The following KCNQ5 variants were observed in gnomAD, a reference collection of about 807,000 sequenced individuals.
The protein encoded by KCNQ5 is potassium voltage-gated channel subfamily Q member 5.
Under a neutral mutation model 98.2 loss-of-function variants are expected in KCNQ5, and 30 were observed. That is an observed-to-expected ratio of 0.31 (90% CI 0.23 to 0.41). The LOEUF is 0.41. Among genes scored for constraint, KCNQ5 ranks in the 10% least tolerant of loss-of-function variants. KCNQ5 has a pLI of 1.00. For missense variants in KCNQ5, 835 were observed against 1,182.5 expected (o/e 0.71, Z 4.31); for synonymous variants, 458 against 449.4 (o/e 1.02, Z -0.24).
At chr6:72,667,394 G>A (rs1385040003) in intron 1 of KCNQ5, among the ~76,000 whole-genome samples, 3 of 152,122 alleles carry the variant, frequency 2.0e-5, no homozygotes, top group South Asian at 4.2e-4. Flanking sequence ...GGGAATTCAG[G>A]CCTTTGCCTT....
intron 2 of KCNQ5, among the ~76,000 whole-genome samples, chr6:73,031,680 A>T (rs777147269): frequency 5.9e-5 from 9 of 151,906 alleles, no homozygotes; most frequent in Non-Finnish European, 4.4e-5. Context: ...TAGATTATAA[A>T]CTCCTCGAGG....
At chr6:72,930,123 A>G (rs891597433) in intron 1 of KCNQ5, among the ~76,000 whole-genome samples, 2 of 152,120 alleles carry the variant, frequency 1.3e-5, no homozygotes, top group East Asian at 3.9e-4. Flanking sequence ...CAGAGGTCAT[A>G]TTTAATAAAA....
chr6:72,694,365 G>T (rs1021970764), intron 1 of KCNQ5, among the ~76,000 whole-genome samples: 15 of 152,106 alleles, frequency 9.9e-5, no homozygotes, highest in African/African-American at 3.4e-4. Context: ...CTGTTATTTT[G>T]GTCTGAAGGC....
At chr6:72,678,369 G>A (rs775666040) in intron 1 of KCNQ5, 10 of 152,188 alleles carry the variant, frequency 6.6e-5, no homozygotes, top group Admixed American at 3.3e-4. Context: ...GAAAATTGAA[G>A]CCTAGAAAGA....
chr6:72,768,647 G>T (rs951053178), intron 1 of KCNQ5, among the ~76,000 whole-genome samples: 7 of 152,056 alleles, frequency 4.6e-5, no homozygotes, highest in African/African-American at 1.7e-4. Context: ...GTAATTGGAG[G>T]AAAGTGGAAG....
intron 1 of KCNQ5, among the ~76,000 whole-genome samples, chr6:72,869,273 T>C (rs1441581572): frequency 6.6e-6 from 1 of 152,204 alleles, no homozygotes; most frequent in Non-Finnish European, 1.5e-5. Context: ...GTCTCCCCAG[T>C]TGTCAAACCG....
chr6:73,105,244 A>G lies in KCNQ5; in HGVS notation c.919-13A>G. 6.6e-7 allele frequency: 1 copy of G among 1,508,140 alleles called. No individual in the cohort carries two copies. Among genetic ancestry groups the G allele is most frequent in the Non-Finnish European group, 9.2e-7 (1 of 1,090,902 alleles). The allele number at this position is 1,508,140 out of a possible 1,614,324, so 93.4% of individuals were successfully genotyped here. A position where few individuals can be genotyped will look rare whatever the true frequency, so the allele number is the denominator to read the frequency against. ...AGTACTTAAGCTGCACATTCTATTT[A>G]TTTTGTTTCTAGATTACATTGACAA... is the stretch of plus-strand genomic sequence containing the variant. On this transcript the variant is annotated splice_polypyrimidine_tract_variant and intron_variant, in intron 5 of 13. Transcript: ENST00000370398.
chr6:73,177,063 G>C (rs866382025), intron 11 of KCNQ5, among the ~76,000 whole-genome samples: 11 of 152,328 alleles, frequency 7.2e-5, no homozygotes, highest in Admixed American at 2.0e-4. Context: ...TGACAGAAGA[G>C]AAGCCAGAGG....
Position 73,063,679 on chromosome 6 carries a change from AGATAGAT to A in KCNQ5, c.617-13635_617-13629del, listed in dbSNP as rs1325010993. The stretch of plus-strand genomic sequence containing the variant: ...ATAGATAGATAGATGATAGATAGAT[AGATAGAT>A]GATAGATAGATAGATAGATAGATAG... On this transcript the variant is annotated intron_variant, in intron 3 of 13. Coordinates refer to ENST00000370398, the MANE Select transcript of KCNQ5 (RefSeq NM_019842.4). Among the ~76,000 whole-genome samples the A allele has an allele frequency of 3.4e-4, 24 of 70,070 alleles. 2 individuals carry two copies. The highest frequency in any genetic ancestry group is 7.4e-4 in the Admixed American group (5 of 6,784). The allele number at this position is 70,070 out of a possible 152,430, so 46.0% of individuals were successfully genotyped here.
intron 1 of KCNQ5, among the ~76,000 whole-genome samples, chr6:72,925,282 C>T (rs1316784): frequency 0.34 from 52,310 of 151,934 alleles, 9,322 homozygotes; most frequent in African/African-American, 0.42. Context: ...TCTAGATGAG[C>T]TTACAGATGG....
chr6:72,727,270 A>T (rs1770333314), intron 1 of KCNQ5, among the ~76,000 whole-genome samples: 1 of 152,242 alleles, frequency 6.6e-6, no homozygotes. Flanking sequence ...TGGGCTAGAG[A>T]TTCCTACCTT....
Position 72,676,509 on chromosome 6 carries a change from G to A in KCNQ5, c.398+53922G>A, listed in dbSNP as rs140436814. 5.7e-3 allele frequency among the ~76,000 whole-genome samples: 863 copies of A among 152,200 alleles called. 30 individuals carry two copies. The highest frequency in any genetic ancestry group is 0.052 in the Admixed American group (789 of 15,280). ...TGTCTCTGTTCCCAGTTTTTGAAGT[G>A]AATTTCTGGAGTAAGCATCCTAAAT... is the stretch of plus-strand genomic sequence containing the variant. On this transcript the variant is annotated intron_variant, in intron 1 of 13. Transcript: ENST00000370398.
intron 1 of KCNQ5, among the ~76,000 whole-genome samples, chr6:72,719,133 T>A (rs1354818700): frequency 6.6e-6 from 1 of 152,204 alleles, no homozygotes. Context: ...GCAGTCTAAA[T>A]GGAAAAATTC....
intron 1 of KCNQ5, among the ~76,000 whole-genome samples, chr6:72,856,591 C>T (rs1408865866): frequency 6.6e-6 from 1 of 152,026 alleles, no homozygotes; most frequent in Non-Finnish European, 1.5e-5. Flanking sequence ...TCCTCTGCCC[C>T]ATTGAATCCT....
intron 1 of KCNQ5, among the ~76,000 whole-genome samples, chr6:72,757,185 C>T (rs1304916589): frequency 1.3e-5 from 2 of 152,040 alleles, no homozygotes; most frequent in Non-Finnish European, 2.9e-5. Context: ...TTAAGTTTTT[C>T]ATATAGTGTG....
intron 1 of KCNQ5, among the ~76,000 whole-genome samples, chr6:72,982,923 C>T (rs1768543079): frequency 6.6e-6 from 1 of 152,178 alleles, no homozygotes; most frequent in African/African-American, 2.4e-5. Context: ...TTCTCCTTCA[C>T]TTATGAAGCT....
chr6:73,046,090 T>C (rs945991627), intron 3 of KCNQ5, among the ~76,000 whole-genome samples: 1 of 152,152 alleles, frequency 6.6e-6, no homozygotes, highest in African/African-American at 2.4e-5. Flanking sequence ...TATGATTTCA[T>C]CTTATTAAAA....
intron 5 of KCNQ5, among the ~76,000 whole-genome samples, chr6:73,093,559 T>C (rs1038995450): frequency 1.3e-5 from 2 of 152,170 alleles, no homozygotes; most frequent in African/African-American, 4.8e-5. Flanking sequence ...TAAACTTTCT[T>C]CTTAGCATCG....
At chr6:72,734,923 C>T (rs1770751833) in intron 1 of KCNQ5, among the ~76,000 whole-genome samples, 2 of 152,118 alleles carry the variant, frequency 1.3e-5, no homozygotes, top group Admixed American at 6.5e-5. Flanking sequence ...ATCTAATTTT[C>T]AATTTCACTT....
Sources: allele counts gnomAD v4.1 joint callset (sites outside exome capture counted in the v4.1 genomes callset), GRCh38; gene constraint gnomAD v4.1.1; transcripts MANE v1.5; gene names NCBI Gene and HGNC (gene_info 2026-07-23, HGNC 2026-07-21).